The following ADAM7 variants were observed in gnomAD, a reference collection of about 807,000 sequenced individuals.
ADAM7 encodes the protein disintegrin and metalloproteinase domain-containing protein 7.
A neutral mutation model predicts 102.9 loss-of-function variants in ADAM7; 97 were observed. The ratio of observed to expected loss-of-function variants is 0.94; its 90% CI spans 0.80 to 1.12. The LOEUF (loss-of-function observed/expected upper bound fraction) is 1.12. Ranked by LOEUF, ADAM7 falls within the 50% of genes most tolerant of loss-of-function variation. The pLI, the probability that ADAM7 is intolerant of heterozygous loss-of-function variation, is 0.00. For synonymous variants in ADAM7, 334 were observed against 304.4 expected (o/e 1.10, Z -1.01); for missense variants, 991 against 908.7 (o/e 1.09, Z -1.16).
intron 20 of ADAM7, among the ~76,000 whole-genome samples, chr8:24,506,861 G>A (rs1389351306): frequency 6.6e-6 from 1 of 151,518 alleles, no homozygotes; most frequent in Non-Finnish European, 1.5e-5. Flanking sequence ...CATCCTCAAG[G>A]TTACTCAGTA....
Position 24,492,017 on chromosome 8 carries a change from C to T in ADAM7, c.1471C>T (p.Pro491Ser), listed in dbSNP as rs61757471. The change falls in exon 14 of 22, where the codon CCT (proline) becomes TCT (serine). Residue 491 changes from proline (P) to serine (S), a missense_variant. Transcript: ENST00000175238. ...PKDQFRVNGF[P>S]CKNSEGYCFM... is the part of the protein sequence containing the mutation. Reference sequence around the variant, plus strand: ...GGACCAGTTCAGGGTCAATGGATTTCCTTGCAAGAACTCAGAAGGCTACTG... The same window carrying T: ...GGACCAGTTCAGGGTCAATGGATTTTCTTGCAAGAACTCAGAAGGCTACTG... 6.2e-7 allele frequency: 1 copy of T among 1,613,880 alleles called. No individual in the cohort carries two copies. Among genetic ancestry groups the T allele is most frequent in the Non-Finnish European group, 8.5e-7 (1 of 1,179,910 alleles).
At position 24,442,659 on chromosome 8, in the gene ADAM7, T is replaced by C. The variant is rs1441364897; in HGVS notation, c.156+83T>C. The C allele has an allele frequency of 7.2e-6, 8 of 1,110,326 alleles. 1 individual carries two copies. The highest frequency in any genetic ancestry group is 5.1e-5 in the Admixed American group (3 of 58,618). The allele number at this position is 1,110,326 out of a possible 1,614,324, so 68.8% of individuals were successfully genotyped here. A position where few individuals can be genotyped will look rare whatever the true frequency, so the allele number is the denominator to read the frequency against. On this transcript the variant is annotated intron_variant, in intron 2 of 21. Coordinates refer to ENST00000175238, the MANE Select transcript of ADAM7 (RefSeq NM_003817.4). Reference sequence around the variant, plus strand: ...GTCTCTAGCTCCAACCAGAAGCAAATAGGGAGAGAGGAGTTTCAATTTTTC... The same window carrying C: ...GTCTCTAGCTCCAACCAGAAGCAAACAGGGAGAGAGGAGTTTCAATTTTTC...
Position 24,490,880 on chromosome 8 carries a change from T to A in ADAM7, c.1348T>A (p.Ser450Thr). ...TTGTGCAGAAGGAGAATGCTGTGAA[T>A]CTTGTCAGGTAAGGTCATGTGCCAG... is the stretch of plus-strand genomic sequence containing the variant. ...FTCAEGECCE[S>T]CQIKKAGSIC... The change falls in exon 13 of 22, where the codon TCT (serine) becomes ACT (threonine). Residue 450 changes from serine (S) to threonine (T), a missense_variant. Ser to Thr is a moderately conservative substitution (Grantham distance 58). Transcript: ENST00000175238. 1 of 1,613,530 alleles carries A rather than the reference T, an allele frequency of 6.2e-7. No individual in the cohort carries two copies. The highest frequency in any genetic ancestry group is 1.1e-5 in the South Asian group (1 of 91,042).
chr8:24,449,625 T>C (rs1818703188), intron 3 of ADAM7, among the ~76,000 whole-genome samples: 1 of 152,224 alleles, frequency 6.6e-6, no homozygotes, highest in Admixed American at 6.5e-5. Context: ...TAGTAGTTTC[T>C]TTTGCTGTGC....
intron 8 of ADAM7, among the ~76,000 whole-genome samples, chr8:24,480,765 G>A (rs541488077): frequency 1.3e-5 from 2 of 152,138 alleles, no homozygotes; most frequent in African/African-American, 4.8e-5. Flanking sequence ...CAAGATCCTG[G>A]TGTGGTGACT....
intron 21 of ADAM7, among the ~76,000 whole-genome samples, chr8:24,508,232 A>G (rs548951338): frequency 3.3e-5 from 5 of 152,182 alleles, no homozygotes; most frequent in Non-Finnish European, 7.3e-5. Context: ...GGCATTTTCT[A>G]ATGATCTTTC....
At chr8:24,504,690 G>C (rs1194706103) in intron 20 of ADAM7, among the ~76,000 whole-genome samples, 1 of 152,074 alleles carries the variant, frequency 6.6e-6, no homozygotes, top group Admixed American at 6.6e-5. Flanking sequence ...GGTTTCGAAT[G>C]CTTTGCCACG....
Position 24,487,208 on chromosome 8 carries a change from A to C in ADAM7, c.982A>C (p.Ile328Leu), listed in dbSNP as rs200473379. 7 of 1,613,742 alleles carry C rather than the reference A, an allele frequency of 4.3e-6. No individual in the cohort carries two copies. Among genetic ancestry groups the C allele is most frequent in the Non-Finnish European group, 5.9e-6 (7 of 1,179,820 alleles). The change falls in exon 11 of 22, where the codon ATA becomes CTA. Residue 328 changes from isoleucine (I) to leucine (L), a missense_variant. Physicochemically the swap from Ile to Leu is conservative, Grantham distance 5. Transcript: ENST00000175238. ...IIKDLLPDTN[I>L]IANRMAHQLG... ...TCAGGATCTTTTACCTGACACAAAC[A>C]TAATTGCAAACAGAATGGCACATCA...
intron 18 of ADAM7, 58 bp from the exon 19 acceptor site, chr8:24,500,732 T>G: frequency 7.3e-7 from 1 of 1,374,992 alleles, no homozygotes; most frequent in Middle Eastern, 1.8e-4. Flanking sequence ...TAAATGTTAA[T>G]ATTCCACTGT....
intron 6 of ADAM7, among the ~76,000 whole-genome samples, 172 bp from the exon 7 acceptor site, chr8:24,468,595 A>G (rs1483588506): frequency 6.6e-6 from 1 of 152,158 alleles, no homozygotes; most frequent in Non-Finnish European, 1.5e-5. Flanking sequence ...GTTTAATCGT[A>G]TAGATCTCAT....
chr8:24,485,301 G>A lies in ADAM7; in HGVS notation c.900G>A (p.Val300=). The change falls in exon 10 of 22, where the codon GTG becomes GTA. Residue 300 remains valine (V), a synonymous_variant. Transcript: ENST00000175238. Reference sequence around the variant, plus strand: ...GTGGGAAGTGGCTCTACTCACATGTGCAAGGAATTTCTTATCCAGGGGGTA... The same window carrying A: ...GTGGGAAGTGGCTCTACTCACATGTACAAGGAATTTCTTATCCAGGGGGTA... ...LLSGKWLYSH[V]QGISYPGGMC... 1.2e-6 allele frequency: 2 copies of A among 1,613,454 alleles called. No individual in the cohort carries two copies. Among genetic ancestry groups the A allele is most frequent in the Admixed American group, 1.7e-5 (1 of 59,950 alleles).
intron 2 of ADAM7, among the ~76,000 whole-genome samples, chr8:24,446,749 A>G (rs1324782908): frequency 6.6e-6 from 1 of 151,728 alleles, no homozygotes; most frequent in Non-Finnish European, 1.5e-5. Flanking sequence ...TAGAGCTGCT[A>G]CATGGACATA....
chr8:24,455,800 T>TTATG (rs946977128), intron 3 of ADAM7, among the ~76,000 whole-genome samples: 21 of 152,194 alleles, frequency 1.4e-4, no homozygotes, highest in Non-Finnish European at 2.5e-4. Context: ...TTGTTGAATT[T>TTATG]TATGTATGTA....
intron 3 of ADAM7, among the ~76,000 whole-genome samples, chr8:24,454,797 G>A (rs935366429): frequency 5.7e-4 from 87 of 152,006 alleles, no homozygotes; most frequent in African/African-American, 2.1e-3. Context: ...GTCCATCTTG[G>A]CTGCCCTCCC....
chr8:24,466,717 C>G, intron 5 of ADAM7, 82 bp from the exon 6 acceptor site: 1 of 1,343,826 alleles, frequency 7.4e-7, no homozygotes, highest in Middle Eastern at 2.0e-4. Flanking sequence ...TGTGGTTTCT[C>G]TTTCTTGAAA....
At chr8:24,447,877 G>T (rs1306832255) in intron 3 of ADAM7, among the ~76,000 whole-genome samples, 1 of 151,320 alleles carries the variant, frequency 6.6e-6, no homozygotes, top group Non-Finnish European at 1.5e-5. Flanking sequence ...TAAGCAGAAA[G>T]AAAGAGTGAC....
Position 24,482,292 on chromosome 8 carries a change from G to T in ADAM7, c.856G>T (p.Asp286Tyr). ...GATCCTTAAAACACGGAAGGATTTTGATCATGTTGTATTACTCAGGTTGGT... is the reference window on the plus strand; with the variant it reads ...GATCCTTAAAACACGGAAGGATTTTTATCATGTTGTATTACTCAGGTTGGT... ...EKILKTRKDF[D>Y]HVVLLSGKWL... The change falls in exon 9 of 22, where the codon GAT becomes TAT. Residue 286 changes from aspartate to tyrosine, a missense_variant. Transcript: ENST00000175238. 2 of 1,610,904 alleles carry T rather than the reference G, an allele frequency of 1.2e-6. No individual in the cohort carries two copies. The highest frequency in any genetic ancestry group is 2.2e-5 in the South Asian group (2 of 90,000).
At chr8:24,467,325 T>A in intron 6 of ADAM7, 1 of 346,618 alleles carries the variant, frequency 2.9e-6, no homozygotes, top group Non-Finnish European at 5.2e-6. Flanking sequence ...GCCATTTTTT[T>A]TTGCAGAGTT....
At position 24,509,418 on chromosome 8, in the gene ADAM7, G is replaced by A; in HGVS notation, c.*872G>A. Reference sequence around the variant, plus strand: ...TTCTTACACAGATGCCTCTCAAGGTGTTCTTTTGTGTCCTCTATTTTCTTC... The same window carrying A: ...TTCTTACACAGATGCCTCTCAAGGTATTCTTTTGTGTCCTCTATTTTCTTC... On this transcript the variant is annotated 3_prime_UTR_variant, in exon 22 of 22. Coordinates refer to ENST00000175238, the MANE Select transcript of ADAM7 (RefSeq NM_003817.4). 3.0e-6 allele frequency: 3 copies of A among 985,396 alleles called. No homozygotes were observed. Among genetic ancestry groups the A allele is most frequent in the South Asian group, 4.7e-5 (1 of 21,286 alleles). 61.0% of individuals were successfully genotyped at this position (985,396 alleles called of 1,614,324 possible).
Sources: gnomAD v4.1 joint callset for allele counts (sites outside exome capture counted in the v4.1 genomes callset) on GRCh38, gnomAD v4.1.1 for gene constraint, MANE v1.5 for transcripts, NCBI Gene and HGNC (gene_info 2026-07-23, HGNC 2026-07-21) for gene names.